Variants in NRXN3 observed in about 807,000 individuals in gnomAD.
NRXN3 encodes neurexin 3, also known as neurexin III.
In NRXN3, 32 loss-of-function variants were observed where a neutral mutation model predicts 137.6. That is an observed-to-expected ratio of 0.23 (90% CI 0.18 to 0.31). The LOEUF (loss-of-function observed/expected upper bound fraction) is 0.31. Ranked by LOEUF, NRXN3 falls within the 10% of genes least tolerant of loss-of-function variation. The pLI is 1.00. For missense variants in NRXN3, 1,574 were observed against 2,062.5 expected (o/e 0.76, Z 4.59); for synonymous variants, 798 against 784.5 (o/e 1.02, Z -0.29).
chr14:78,193,427 G>A (rs1326228542), intron 1 of NRXN3, among the ~76,000 whole-genome samples: 1 of 152,118 alleles, frequency 6.6e-6, no homozygotes, highest in African/African-American at 2.4e-5. Flanking sequence ...GGCAGTGTTA[G>A]GAAACACAGG....
At chr14:79,103,475 G>A (rs2051745691) in intron 15 of NRXN3, among the ~76,000 whole-genome samples, 1 of 152,114 alleles carries the variant, frequency 6.6e-6, no homozygotes, top group African/African-American at 2.4e-5. Flanking sequence ...TTCGTTTTTA[G>A]CTTCTTTAAG....
intron 4 of NRXN3, among the ~76,000 whole-genome samples, chr14:78,299,078 G>A (rs2076629666): frequency 6.6e-6 from 1 of 152,224 alleles, no homozygotes; most frequent in African/African-American, 2.4e-5. Context: ...CAATGTAAAT[G>A]TATCCTCCAG....
chr14:78,804,426 C>T (rs776112166), intron 9 of NRXN3, among the ~76,000 whole-genome samples: 15 of 152,120 alleles, frequency 9.9e-5, no homozygotes, highest in Admixed American at 5.2e-4. Context: ...GTCTGTGACA[C>T]GTGGAAGGAA....
intron 19 of NRXN3, among the ~76,000 whole-genome samples, chr14:79,762,606 G>A (rs2099042428): frequency 6.6e-6 from 1 of 151,298 alleles, no homozygotes; most frequent in South Asian, 2.1e-4. Context: ...CAATATGTTT[G>A]GCTTCTGTAA....
chr14:78,947,289 C>G (rs2099367405), intron 10 of NRXN3, among the ~76,000 whole-genome samples: 1 of 152,146 alleles, frequency 6.6e-6, no homozygotes, highest in African/African-American at 2.4e-5. Flanking sequence ...CCCTCTTTTC[C>G]CAATTTTACC....
At chr14:79,393,794 T>C (rs2094932276) in intron 15 of NRXN3, among the ~76,000 whole-genome samples, 1 of 152,136 alleles carries the variant, frequency 6.6e-6, no homozygotes, top group South Asian at 2.1e-4. Context: ...CCAGCCTGGG[T>C]GACAGGGCGA....
rs2141959937 is a variant in NRXN3, at chr14:79,861,537, A to G, written c.4289A>G (p.Asn1430Ser). 2.6e-6 allele frequency: 4 copies of G among 1,553,364 alleles called. No individual in the cohort carries two copies. Among genetic ancestry groups the G allele is most frequent in the Non-Finnish European group, 3.5e-6 (4 of 1,151,964 alleles). The change falls in exon 21 of 21, where the codon AAT (asparagine) becomes AGT (serine). Residue 1430 changes from asparagine to serine, a missense_variant. Physicochemically the swap from Asn to Ser is conservative, Grantham distance 46. This residue lies in a region of NRXN3 where 320 missense variants were observed against 387.1 expected (regional missense o/e 0.83). Transcript: ENST00000335750. This position sits in a 1 kb window ranked among gnomAD's most constrained non-coding sequence, Gnocchi z 5.4. ...CCCAAATTGCCAGCTGGCAAAATGA[A>G]TAACCGTGATCTCAAACCCCAGCCT... ...MVPKLPAGKMNNRDLKPQPDI... is the reference protein window; with the variant it reads ...MVPKLPAGKMSNRDLKPQPDI...
chr14:79,831,279 T>C (rs1432489230), intron 20 of NRXN3, among the ~76,000 whole-genome samples: 2 of 152,222 alleles, frequency 1.3e-5, no homozygotes, highest in African/African-American at 4.8e-5. Flanking sequence ...TTTTGCATAA[T>C]CTTGTTTAGT....
At chr14:78,864,313 T>C (rs1409408470) in intron 10 of NRXN3, among the ~76,000 whole-genome samples, 1 of 152,166 alleles carries the variant, frequency 6.6e-6, no homozygotes, top group African/African-American at 2.4e-5. Context: ...CCATGTAATC[T>C]TGGGTAAATC....
intron 15 of NRXN3, among the ~76,000 whole-genome samples, chr14:79,190,466 T>G (rs937329503): frequency 2.6e-5 from 4 of 152,176 alleles, no homozygotes; most frequent in Non-Finnish European, 5.9e-5. Flanking sequence ...AATCAGCCAC[T>G]GGTCATTTTT....
At chr14:78,537,242 A>G (rs1002048800) in intron 4 of NRXN3, among the ~76,000 whole-genome samples, 2 of 152,092 alleles carry the variant, frequency 1.3e-5, no homozygotes, top group South Asian at 2.1e-4. Flanking sequence ...AAGCATTCCT[A>G]TTTCTCCACA....
chr14:79,005,771 G>A (rs983817120), intron 15 of NRXN3, among the ~76,000 whole-genome samples: 28 of 150,960 alleles, frequency 1.9e-4, no homozygotes, highest in African/African-American at 5.9e-4. Context: ...ATGTTTACCT[G>A]TGTGTGACTT....
rs537317406 is a variant in NRXN3 at position 79,762,038 on chromosome 14, G to A, written c.4015-43074G>A. Among the ~76,000 whole-genome samples, 22 of 151,708 alleles carry A rather than the reference G, an allele frequency of 1.5e-4. 2 individuals are homozygous for A. The highest frequency in any genetic ancestry group is 5.1e-4 in the African/African-American group (21 of 41,038). ...AAGAATTTGCATCCTGAATTGATTT[G>A]TGTAAGATGTCTAGGGGAATGCTGA... is the stretch of plus-strand genomic sequence containing the variant. On this transcript the variant is annotated intron_variant, in intron 19 of 20. Transcript: ENST00000335750.
chr14:78,656,693 A>G (rs1461627777), intron 6 of NRXN3, among the ~76,000 whole-genome samples: 1 of 152,094 alleles, frequency 6.6e-6, no homozygotes, highest in African/African-American at 2.4e-5. Context: ...TAATTCATCT[A>G]CCACTTTCCC....
chr14:79,258,335 C>A (rs931476328), intron 15 of NRXN3, among the ~76,000 whole-genome samples: 6 of 152,012 alleles, frequency 3.9e-5, no homozygotes, highest in Non-Finnish European at 8.8e-5. Flanking sequence ...CTCCCAAGCA[C>A]CTGGGATTAC....
chr14:78,926,822 ATATATAATT>A (rs1340889016), intron 10 of NRXN3, among the ~76,000 whole-genome samples: 13 of 45,368 alleles, frequency 2.9e-4, no homozygotes, highest in Non-Finnish European at 3.8e-4. Flanking sequence ...ATTATATATT[ATATATAATT>A]TATATAAATA....
chr14:79,627,698 G>A (rs1228980605), intron 16 of NRXN3, among the ~76,000 whole-genome samples: 2 of 152,078 alleles, frequency 1.3e-5, no homozygotes, highest in East Asian at 3.9e-4. Context: ...CACTGGGTAT[G>A]GTTATTAACC....
intron 4 of NRXN3, among the ~76,000 whole-genome samples, chr14:78,461,403 A>G (rs2094917388): frequency 6.6e-6 from 1 of 152,168 alleles, no homozygotes; most frequent in Admixed American, 6.5e-5. Context: ...TGGTGGCCAC[A>G]TGGATGTTCC....
chr14:79,427,765 G>T (rs961942657), intron 15 of NRXN3, among the ~76,000 whole-genome samples: 3 of 150,964 alleles, frequency 2.0e-5, no homozygotes, highest in Admixed American at 1.3e-4. Flanking sequence ...CCTGGAGTTG[G>T]AGGTTGAAGA....
Sources: allele counts gnomAD v4.1 joint callset (sites outside exome capture counted in the v4.1 genomes callset), GRCh38; gene constraint gnomAD v4.1.1; regional missense constraint gnomAD v4.1.1; non-coding constraint Gnocchi (gnomAD v3.1); transcripts MANE v1.5; gene names NCBI Gene and HGNC (gene_info 2026-07-23, HGNC 2026-07-21).